UGGT1: variants seen among roughly 807,000 people sequenced by gnomAD.
UGGT1 encodes the protein UDP-glucose:glycoprotein glucosyltransferase 1.
UGGT1 carries 107 observed loss-of-function variants against 203.9 expected under a neutral mutation model. The ratio of observed to expected loss-of-function variants is 0.52; its 90% CI spans 0.45 to 0.62. The LOEUF is 0.62. Ranked by LOEUF, UGGT1 falls within the 20% of genes least tolerant of loss-of-function variation. The pLI is 0.00. For synonymous variants in UGGT1, 628 were observed against 653.5 expected (o/e 0.96, Z 0.59); for missense variants, 1,673 against 1,867.2 (o/e 0.90, Z 1.92).
At chr2:128,119,857 C>T (rs1688295273) in intron 8 of UGGT1, among the ~76,000 whole-genome samples, 1 of 150,152 alleles carries the variant, frequency 6.7e-6, no homozygotes. Flanking sequence ...ACTTTAAGAA[C>T]AAAGGAAAAC....
At chr2:128,131,441 G>C (rs1363550399) in intron 13 of UGGT1, among the ~76,000 whole-genome samples, 1 of 152,048 alleles carries the variant, frequency 6.6e-6, no homozygotes, top group Non-Finnish European at 1.5e-5. Flanking sequence ...GTGTTTGAGA[G>C]GTCCTCCTGC....
At chr2:128,159,816 T>C in intron 23 of UGGT1, 96 bp downstream of exon 23, 1 of 1,288,916 alleles carries the variant, frequency 7.8e-7, no homozygotes, top group Non-Finnish European at 1.1e-6. Flanking sequence ...TCACGATTTG[T>C]CATTTTAGTC....
chr2:128,158,180 G>C (rs1425015338), intron 22 of UGGT1, among the ~76,000 whole-genome samples: 1 of 152,210 alleles, frequency 6.6e-6, no homozygotes, highest in Non-Finnish European at 1.5e-5. Flanking sequence ...TCAAATGGTA[G>C]TAGGGTAGGA....
chr2:128,114,978 A>G lies in UGGT1; in HGVS notation c.697-146A>G, dbSNP rs1220614873. On this transcript the variant is annotated intron_variant, in intron 6 of 40. Transcript: ENST00000259253. ...GTGAACTTTCTTAGCCATATAGTTA[A>G]TATCGTTAAAAAACAATTTAAAGAT... The G allele has an allele frequency of 6.9e-6, 5 of 722,900 alleles. No homozygotes were observed. The East Asian group carries it at 1.4e-4, about 21-fold the overall frequency. 44.8% of individuals were successfully genotyped at this position (722,900 alleles called of 1,614,324 possible).
intron 34 of UGGT1, among the ~76,000 whole-genome samples, chr2:128,179,472 T>C (rs773892158): frequency 6.6e-6 from 1 of 152,180 alleles, no homozygotes; most frequent in Non-Finnish European, 1.5e-5. Context: ...TTTCCAGGGT[T>C]CATCTGGACC....
chr2:128,110,624 C>T (rs1687804390), intron 5 of UGGT1, among the ~76,000 whole-genome samples: 1 of 152,248 alleles, frequency 6.6e-6, no homozygotes, highest in South Asian at 2.1e-4. Context: ...TAATGCACAC[C>T]TTTATGAAGA....
At chr2:128,101,658 A>G (rs537517025) in intron 2 of UGGT1, among the ~76,000 whole-genome samples, 2 of 152,316 alleles carry the variant, frequency 1.3e-5, no homozygotes, top group South Asian at 4.1e-4. Flanking sequence ...GTCCCTAAGA[A>G]AGTCAGTAGC....
chr2:128,157,402 G>A, intron 22 of UGGT1, 56 bp downstream of exon 22: 1 of 1,427,514 alleles, frequency 7.0e-7, no homozygotes, highest in South Asian at 1.2e-5. Context: ...TTGTCTTCAT[G>A]GGCTTCGCTG....
chr2:128,091,499 G>A (rs1024538827), intron 1 of UGGT1, 84 bp downstream of exon 1: 3 of 1,512,442 alleles, frequency 2.0e-6, no homozygotes, highest in Non-Finnish European at 2.7e-6. Flanking sequence ...GTCACATTGA[G>A]CTTCCGCCTC....
intron 15 of UGGT1, among the ~76,000 whole-genome samples, chr2:128,136,443 A>ATGTT (rs113118608): frequency 3.3e-5 from 5 of 151,842 alleles, no homozygotes; most frequent in African/African-American, 1.2e-4. Context: ...ATTTTCCAGA[A>ATGTT]CTAGGTTGCA....
chr2:128,138,919 G>A, intron 16 of UGGT1, 67 bp downstream of exon 16: 5 of 1,581,320 alleles, frequency 3.2e-6, no homozygotes, highest in Non-Finnish European at 4.3e-6. Context: ...ACAATGTGTG[G>A]TCATTGTATG....
At chr2:128,186,532 G>A (rs1691989568) in intron 38 of UGGT1, 151 bp from the exon 39 acceptor site, 4 of 479,296 alleles carry the variant, frequency 8.3e-6, no homozygotes, top group Non-Finnish European at 1.4e-5. Flanking sequence ...TCTTGAACCT[G>A]GGAGGTGGAG....
intron 1 of UGGT1, among the ~76,000 whole-genome samples, chr2:128,092,072 A>T (rs1415967263): frequency 1.3e-5 from 2 of 152,172 alleles, no homozygotes; most frequent in African/African-American, 4.8e-5. Context: ...TTATTGTGCT[A>T]CACTAACTGT....
chr2:128,167,724 G>A (rs1238418163), intron 26 of UGGT1, among the ~76,000 whole-genome samples: 1 of 152,122 alleles, frequency 6.6e-6, no homozygotes, highest in African/African-American at 2.4e-5. Context: ...ACAATATAGT[G>A]AATACATTTA....
rs1020176801 is a variant in UGGT1 at position 128,111,491 on chromosome 2, TTTTA to T, written c.522-1578_522-1575del. Among the ~76,000 whole-genome samples the T allele has an allele frequency of 4.0e-4, 61 of 152,240 alleles. 1 individual carries two copies. Among genetic ancestry groups the T allele is most frequent in the South Asian group, 8.3e-4 (4 of 4,826 alleles). On this transcript the variant is annotated intron_variant, in intron 5 of 40. Transcript: ENST00000259253. Reference sequence around the variant, plus strand: ...CTTTTTGCATTATTTATACTTATATTTTTATTTATTTATTTATTATTTATTTATT... The same window carrying T: ...CTTTTTGCATTATTTATACTTATATTTTTATTTATTTATTATTTATTTATT...
intron 26 of UGGT1, among the ~76,000 whole-genome samples, chr2:128,167,417 T>C (rs1690850090): frequency 6.6e-6 from 1 of 152,186 alleles, no homozygotes; most frequent in Non-Finnish European, 1.5e-5. Flanking sequence ...ATGCTAGAAA[T>C]AGAAAGATCT....
intron 38 of UGGT1, among the ~76,000 whole-genome samples, chr2:128,185,199 CTT>C (rs1216222009): frequency 2.2e-4 from 30 of 136,206 alleles, no homozygotes; most frequent in Admixed American, 2.2e-4. Context: ...TTGTTTCTCT[CTT>C]TTTTTTTTTT....
chr2:128,119,330 G>A (rs990610178), intron 8 of UGGT1, among the ~76,000 whole-genome samples: 1 of 152,068 alleles, frequency 6.6e-6, no homozygotes, highest in East Asian at 1.9e-4. Flanking sequence ...GGTAGCTCAC[G>A]CCTGTAATCC....
chr2:128,181,395 C>T (rs991444850), intron 36 of UGGT1, among the ~76,000 whole-genome samples: 4 of 152,074 alleles, frequency 2.6e-5, no homozygotes, highest in Admixed American at 6.5e-5. Flanking sequence ...ATTATCTGCC[C>T]AAAAGATAGG....
Sources: allele counts gnomAD v4.1 joint callset (sites outside exome capture counted in the v4.1 genomes callset), GRCh38; gene constraint gnomAD v4.1.1; transcripts MANE v1.5; gene names NCBI Gene and HGNC (gene_info 2026-07-23, HGNC 2026-07-21).